Variants in TRIM36 observed in about 807,000 individuals in gnomAD.
TRIM36 encodes E3 ubiquitin-protein ligase TRIM36.
TRIM36 carries 42 observed loss-of-function variants against 72.4 expected under a neutral mutation model. The ratio of observed to expected loss-of-function variants is 0.58; its 90% CI spans 0.45 to 0.75. The LOEUF (loss-of-function observed/expected upper bound fraction) is 0.75. TRIM36 is among the 30% of genes least tolerant of loss of function. The probability of loss-of-function intolerance (pLI) is 0.00; values close to 1 mark genes in which losing one functional copy is unlikely to be tolerated. For synonymous variants in TRIM36, 315 were observed against 282.8 expected, an observed-to-expected ratio of 1.11 and a Z score of -1.14; for missense variants, 913 against 857.1, an observed-to-expected ratio of 1.07 and a Z score of -0.81.
intron 3 of TRIM36, 122 bp from the exon 4 acceptor site, chr5:115,144,866 T>A: frequency 9.2e-7 from 1 of 1,088,264 alleles, no homozygotes. Context: ...TGAATATGAA[T>A]GTAAAAAGAA....
chr5:115,169,587 G>T (rs1357940029), intron 1 of TRIM36, 21 bp downstream of exon 1: 4 of 1,507,816 alleles, frequency 2.7e-6, no homozygotes, highest in Non-Finnish European at 3.5e-6. Context: ...AGGTGGGGGC[G>T]GCGGTCCCCT....
chr5:115,155,026 C>CA lies in TRIM36; in HGVS notation c.263-7633dup, dbSNP rs77105761. 1.0e-2 allele frequency among the ~76,000 whole-genome samples: 1,400 copies of CA among 140,420 alleles called. 18 individuals carry two copies. Among genetic ancestry groups the CA allele is most frequent in the African/African-American group, 0.033 (1,262 of 38,344 alleles). The allele number at this position is 140,420 out of a possible 152,430, so 92.1% of individuals were successfully genotyped here. ...AGAAACCTCGTCTCTACTAAAAATA[C>CA]AAAAAAAAAAAAATTAGCCGGGCAT... On this transcript the variant is annotated intron_variant, in intron 2 of 9. Coordinates refer to ENST00000513154, the MANE Select transcript of TRIM36 (RefSeq NM_001300759.2).
chr5:115,156,623 A>C (rs1188341030), intron 2 of TRIM36, among the ~76,000 whole-genome samples: 2 of 152,156 alleles, frequency 1.3e-5, no homozygotes, highest in African/African-American at 4.8e-5. Context: ...CATGTAGGAG[A>C]ATGAAACTGG....
intron 2 of TRIM36, among the ~76,000 whole-genome samples, chr5:115,163,092 G>C (rs1754571025): frequency 6.6e-6 from 1 of 151,860 alleles, no homozygotes; most frequent in Non-Finnish European, 1.5e-5. Context: ...CAGGTAGCTG[G>C]GGTTACAGGC....
chr5:115,179,805 C>G (rs1471950515), intron 1 of TRIM36, among the ~76,000 whole-genome samples: 3 of 152,250 alleles, frequency 2.0e-5, no homozygotes, highest in African/African-American at 4.8e-5. Context: ...GAAAAGGCGG[C>G]TACTTTGCAT....
chr5:115,167,586 G>C lies in TRIM36; in HGVS notation c.27+2022C>G, dbSNP rs1019968740. On this transcript the variant is annotated intron_variant, in intron 1 of 9. Transcript: ENST00000513154. ...TCACCTTCACTCCAGTTTCCGACAA[G>C]TTCCTCATCTCCATCTGAGACCACC... 3.3e-5 allele frequency among the ~76,000 whole-genome samples: 5 copies of C among 152,188 alleles called. 1 individual carries two copies. Among genetic ancestry groups the C allele is most frequent in the Admixed American group, 1.3e-4 (2 of 15,278 alleles).
At chr5:115,162,934 G>A (rs1256061720) in intron 2 of TRIM36, among the ~76,000 whole-genome samples, 1 of 151,138 alleles carries the variant, frequency 6.6e-6, no homozygotes, top group Non-Finnish European at 1.5e-5. Context: ...TGCACAGTCA[G>A]AATAATTCCT....
At chr5:115,159,675 G>C (rs999575275) in intron 2 of TRIM36, 5 of 451,478 alleles carry the variant, frequency 1.1e-5, no homozygotes, top group Non-Finnish European at 2.2e-5. Flanking sequence ...GTGATGCTGT[G>C]AACAATGAAC....
At chr5:115,144,294 A>G (rs1213110805) in intron 4 of TRIM36, among the ~76,000 whole-genome samples, 1 of 152,180 alleles carries the variant, frequency 6.6e-6, no homozygotes, top group Non-Finnish European at 1.5e-5. Context: ...CTATGTATAC[A>G]TCCATTATCA....
At chr5:115,144,431 T>C (rs1753463304) in intron 4 of TRIM36, among the ~76,000 whole-genome samples, 167 bp downstream of exon 4, 1 of 152,222 alleles carries the variant, frequency 6.6e-6, no homozygotes, top group Non-Finnish European at 1.5e-5. Flanking sequence ...AAATAATTGT[T>C]GATCAGAAAT....
intron 1 of TRIM36, chr5:115,179,925 G>T: frequency 6.4e-7 from 1 of 1,553,452 alleles, no homozygotes; most frequent in Non-Finnish European, 8.8e-7. Flanking sequence ...GGGCCAGGTA[G>T]TGCCGGAGTC....
intron 2 of TRIM36, among the ~76,000 whole-genome samples, chr5:115,150,840 G>A (rs1753851755): frequency 6.6e-6 from 1 of 152,212 alleles, no homozygotes; most frequent in South Asian, 2.1e-4. Flanking sequence ...TTAGAGAGCT[G>A]AGTGAAATAC....
At chr5:115,174,867 T>G (rs1755265528), upstream of TRIM36, among the ~76,000 whole-genome samples, 1 of 152,214 alleles carries the variant, frequency 6.6e-6, no homozygotes, top group South Asian at 2.1e-4. Context: ...ATTAGGAAGA[T>G]GAGAGGAACC....
At chr5:115,138,479 A>C (rs1288275346) in intron 5 of TRIM36, among the ~76,000 whole-genome samples, 3 of 152,304 alleles carry the variant, frequency 2.0e-5, no homozygotes, top group Non-Finnish European at 2.9e-5. Flanking sequence ...TCTTCACTTT[A>C]ATATAATTAT....
chr5:115,169,959 G>T (rs554058452), upstream of TRIM36: 211 of 1,211,656 alleles, frequency 1.7e-4, no homozygotes, highest in African/African-American at 2.9e-3. Flanking sequence ...GCGGGGCGTG[G>T]ACAGGGCGTG....
At chr5:115,131,493 C>T (rs1479158773) in intron 8 of TRIM36, among the ~76,000 whole-genome samples, 2 of 152,106 alleles carry the variant, frequency 1.3e-5, no homozygotes, top group Non-Finnish European at 2.9e-5. Flanking sequence ...AATGATGATA[C>T]CACTCCCATA....
chr5:115,154,671 C>T (rs551290926), intron 2 of TRIM36, among the ~76,000 whole-genome samples: 67 of 152,220 alleles, frequency 4.4e-4, no homozygotes, highest in African/African-American at 1.6e-3. Flanking sequence ...TAGTAACAAG[C>T]ACCAAGATTG....
chr5:115,160,537 T>A (rs1754429112), intron 2 of TRIM36, among the ~76,000 whole-genome samples: 1 of 152,176 alleles, frequency 6.6e-6, no homozygotes, highest in Admixed American at 6.5e-5. Flanking sequence ...ATCCCTTTAT[T>A]AGACCAGTGG....
chr5:115,135,019 T>C (rs1752889166), intron 7 of TRIM36, among the ~76,000 whole-genome samples: 1 of 152,086 alleles, frequency 6.6e-6, no homozygotes, highest in Non-Finnish European at 1.5e-5. Context: ...TGTATAGATC[T>C]CGCCAGTATT....
Sources: allele counts gnomAD v4.1 joint callset (sites outside exome capture counted in the v4.1 genomes callset), GRCh38; gene constraint gnomAD v4.1.1; transcripts MANE v1.5; gene names NCBI Gene and HGNC (gene_info 2026-07-23, HGNC 2026-07-21).